Variants in NUP153 observed in about 807,000 individuals in gnomAD.
NUP153 encodes the protein nuclear pore complex protein Nup153.
A neutral mutation model predicts 134.6 loss-of-function variants in NUP153; 27 were observed. The ratio of observed to expected loss-of-function variants is 0.20; its 90% CI spans 0.15 to 0.28. NUP153 has a LOEUF of 0.28. Among genes scored for constraint, NUP153 ranks in the 10% least tolerant of loss-of-function variants. NUP153 has a pLI of 1.00. For missense variants in NUP153, 1,821 were observed against 1,731.3 expected (o/e 1.05, Z -0.92); for synonymous variants, 640 against 623.5 (o/e 1.03, Z -0.40).
At chr6:17,699,083 C>T (rs1312813023) in intron 1 of NUP153, among the ~76,000 whole-genome samples, 1 of 152,090 alleles carries the variant, frequency 6.6e-6, no homozygotes, top group Non-Finnish European at 1.5e-5. Context: ...CTGTTTCTGA[C>T]AGTAAATGGT....
At chr6:17,618,050 A>G (rs1043969533) in intron 20 of NUP153, among the ~76,000 whole-genome samples, 2 of 152,160 alleles carry the variant, frequency 1.3e-5, no homozygotes, top group African/African-American at 4.8e-5. Flanking sequence ...CATCTTCCCA[A>G]TCTTAGCTCC....
intron 11 of NUP153, among the ~76,000 whole-genome samples, chr6:17,654,542 G>C (rs1766695697): frequency 6.6e-6 from 1 of 152,002 alleles, no homozygotes; most frequent in African/African-American, 2.4e-5. Flanking sequence ...GGCTGGTCTC[G>C]AATTCCTGAC....
intron 11 of NUP153, among the ~76,000 whole-genome samples, chr6:17,657,916 C>A (rs1294733824): frequency 1.3e-5 from 2 of 152,166 alleles, no homozygotes; most frequent in Admixed American, 6.5e-5. Flanking sequence ...TAGCTGATGA[C>A]TTACTACTTG....
At chr6:17,624,472 A>T in intron 20 of NUP153, 89 bp downstream of exon 20, 1 of 1,230,428 alleles carries the variant, frequency 8.1e-7, no homozygotes, top group Non-Finnish European at 1.2e-6. Flanking sequence ...TTTTAAAATT[A>T]GACATATGAA....
chr6:17,647,593 CT>C (rs1199583572), intron 13 of NUP153, among the ~76,000 whole-genome samples: 1 of 152,128 alleles, frequency 6.6e-6, no homozygotes, highest in Non-Finnish European at 1.5e-5. Flanking sequence ...TGCATTTTAA[CT>C]TTCAAATGGT....
At chr6:17,679,434 A>T (rs1012866725) in intron 2 of NUP153, among the ~76,000 whole-genome samples, 7 of 152,206 alleles carry the variant, frequency 4.6e-5, no homozygotes, top group Non-Finnish European at 8.8e-5. Flanking sequence ...TTGGGATGTC[A>T]ATACTATTCT....
At chr6:17,629,827 C>CTACA (rs1765142273) in intron 17 of NUP153, among the ~76,000 whole-genome samples, 2 of 152,336 alleles carry the variant, frequency 1.3e-5, no homozygotes, top group African/African-American at 4.8e-5. Flanking sequence ...AAGTAACAGG[C>CTACA]TACACATTGC....
At position 17,665,318 on chromosome 6, in the gene NUP153, C is replaced by T. The variant is rs759854627; in HGVS notation, c.1136G>A (p.Arg379Gln). ...TPKPVSIATN[R>Q]SVYFKPSLTP... ...CAGAGATGGTTTAAAATAAACACTTCGATTTGTTGCTATGGAAACTGGCTT... is the reference window on the plus strand; with the variant it reads ...CAGAGATGGTTTAAAATAAACACTTTGATTTGTTGCTATGGAAACTGGCTT... The change falls in exon 9 of 22, where the codon CGA (arginine) becomes CAA (glutamine). Residue 379 changes from arginine (R) to glutamine (Q), a missense_variant. By Grantham distance (43) the Arg-to-Gln change is conservative (BLOSUM62 1). Transcript: ENST00000262077. The T allele has an allele frequency of 3.1e-5, 50 of 1,613,162 alleles. No individual in the cohort carries two copies. The highest frequency in any genetic ancestry group is 4.5e-5 in the East Asian group (2 of 44,808).
chr6:17,702,110 C>G (rs1462441165), intron 1 of NUP153, among the ~76,000 whole-genome samples: 2 of 152,172 alleles, frequency 1.3e-5, no homozygotes, highest in African/African-American at 4.8e-5. Flanking sequence ...CTCCAAAGAG[C>G]TGACTTTCTG....
chr6:17,636,009 G>A (rs902709536), intron 16 of NUP153, among the ~76,000 whole-genome samples: 7 of 152,126 alleles, frequency 4.6e-5, no homozygotes, highest in Non-Finnish European at 1.0e-4. Flanking sequence ...GTGAGCAGGG[G>A]AACCAGATGG....
rs1250253717 is a variant in NUP153, at chr6:17,680,096, G to T, written c.335-4326C>A. On this transcript the variant is annotated intron_variant, in intron 2 of 21. Transcript: ENST00000262077. The surrounding 1 kb of genome is among the most constrained non-coding windows in gnomAD (Gnocchi z 4.5). ...AATTCCTACTGGCTTTTTCCGGGAA[G>T]CCAGGAAGAGGATCCTTGAGCCTCA... Among the ~76,000 whole-genome samples, 1 of 152,138 alleles carries T rather than the reference G, an allele frequency of 6.6e-6. No individual in the cohort carries two copies. The highest frequency in any genetic ancestry group is 2.4e-5 in the African/African-American group (1 of 41,440).
At chr6:17,640,381 C>A (rs1581689136) in intron 14 of NUP153, among the ~76,000 whole-genome samples, 1 of 152,288 alleles carries the variant, frequency 6.6e-6, no homozygotes, top group East Asian at 1.9e-4. Context: ...GCAACTAGGG[C>A]AAGCCCATCC....
rs763919327 is a variant in NUP153 at position 17,640,017 on chromosome 6, G to A, written c.1768C>T (p.Pro590Ser). ...CTAAAAGGACCCTCACAATCTTCAG[G>A]TGGTGTCTTCTTACAATTTGTACTG... ...VNSTNCKKTP[P>S]EDCEGPFRPA... The change falls in exon 15 of 22, where the codon CCT becomes TCT. Residue 590 changes from proline to serine, a missense_variant. By Grantham distance (74) the Pro-to-Ser change is moderately conservative. Coordinates refer to ENST00000262077, the MANE Select transcript of NUP153 (RefSeq NM_005124.4). The A allele has an allele frequency of 1.2e-6, 2 of 1,611,402 alleles. No homozygotes were observed. Among genetic ancestry groups the A allele is most frequent in the African/African-American group, 2.7e-5 (2 of 74,822 alleles).
At chr6:17,687,914 A>C (rs1368467408) in intron 2 of NUP153, among the ~76,000 whole-genome samples, 2 of 152,102 alleles carry the variant, frequency 1.3e-5, no homozygotes, top group African/African-American at 2.4e-5. Flanking sequence ...GGAGATCGAG[A>C]CCATCCTGGC....
In NUP153 at chr6:17,675,088, T is replaced by G. The variant is rs187706780; in HGVS notation, c.724-55A>C. On this transcript the variant is annotated intron_variant, in intron 4 of 21. Coordinates refer to ENST00000262077, the MANE Select transcript of NUP153 (RefSeq NM_005124.4). The surrounding 1 kb of genome is among the most constrained non-coding windows in gnomAD (Gnocchi z 4.4). Reference sequence around the variant, plus strand: ...GCCATATGAACCCAGGAGGTGGAGGTTGCAGTGAGTTAAGATCATGCTGCT... The same window carrying G: ...GCCATATGAACCCAGGAGGTGGAGGGTGCAGTGAGTTAAGATCATGCTGCT... The G allele has an allele frequency of 7.8e-4, 1,254 of 1,597,982 alleles. 11 individuals are homozygous for G. The African/African-American group carries it at 0.013, about 17-fold the overall frequency.
chr6:17,691,517 C>A (rs1422981942), intron 1 of NUP153, among the ~76,000 whole-genome samples: 1 of 152,186 alleles, frequency 6.6e-6, no homozygotes, highest in Non-Finnish European at 1.5e-5. Context: ...GTAATCTCAG[C>A]ACTTTGGGAG....
At chr6:17,616,486 T>TA in intron 21 of NUP153, 41 bp downstream of exon 21, 2 of 1,554,618 alleles carry the variant, frequency 1.3e-6, no homozygotes, top group Non-Finnish European at 1.7e-6. Flanking sequence ...CACATACCCT[T>TA]ACCAATGTAA....
Position 17,623,472 on chromosome 6 carries a change from A to C in NUP153, c.4174+1089T>G, listed in dbSNP as rs905322401. On this transcript the variant is annotated intron_variant, in intron 20 of 21. Coordinates refer to ENST00000262077, the MANE Select transcript of NUP153 (RefSeq NM_005124.4). The stretch of plus-strand genomic sequence containing the variant: ...AGGATATGAATTGGCAGAATCCATC[A>C]GGAAAAGTTTTTATTATCTTCTAGT... Among the ~76,000 whole-genome samples, 10 of 152,312 alleles carry C rather than the reference A, an allele frequency of 6.6e-5. 1 individual carries two copies. The highest frequency in any genetic ancestry group is 4.6e-4 in the Admixed American group (7 of 15,298).
rs371103219 is a variant in NUP153, at chr6:17,640,052, G to C, written c.1733C>G (p.Thr578Ser). Residue 578 changes from threonine (T) to serine (S), a missense_variant, in exon 15 of 22, where the codon ACT (threonine) becomes AGT (serine). Thr to Ser is a moderately conservative substitution (Grantham distance 58). Coordinates refer to ENST00000262077, the MANE Select transcript of NUP153 (RefSeq NM_005124.4). Reference sequence around the variant, plus strand: ...CTTACAATTTGTACTGTTCACTGTAGTGACATGATGAGCTGTAATTTTTTT... The same window carrying C: ...CTTACAATTTGTACTGTTCACTGTACTGACATGATGAGCTGTAATTTTTTT... ...PIISSSAHHV[T>S]TVNSTNCKKT... The C allele has an allele frequency of 1.3e-6, 2 of 1,573,712 alleles. No individual in the cohort carries two copies. Among genetic ancestry groups the C allele is most frequent in the Non-Finnish European group, 1.7e-6 (2 of 1,161,940 alleles).
Sources: allele counts gnomAD v4.1 joint callset (sites outside exome capture counted in the v4.1 genomes callset), GRCh38; gene constraint gnomAD v4.1.1; non-coding constraint Gnocchi (gnomAD v3.1); transcripts MANE v1.5; gene names NCBI Gene and HGNC (gene_info 2026-07-23, HGNC 2026-07-21).